Variants in TRANK1 observed in about 807,000 individuals in gnomAD.
TRANK1 encodes the protein TPR and ankyrin repeat-containing protein 1.
TRANK1 carries 198 observed loss-of-function variants against 266.0 expected under a neutral mutation model. The ratio of observed to expected loss-of-function variants is 0.74; its 90% CI spans 0.66 to 0.84. The LOEUF is 0.84. Among genes scored for constraint, TRANK1 ranks in the 40% least tolerant of loss-of-function variants. The pLI is 0.00. For missense variants in TRANK1, 3,326 were observed against 3,634.6 expected (o/e 0.92, Z 2.18); for synonymous variants, 1,396 against 1,384.1 (o/e 1.01, Z -0.19).
chr3:36,912,597 T>A (rs192785613), intron 1 of TRANK1, among the ~76,000 whole-genome samples: 4 of 152,280 alleles, frequency 2.6e-5, no homozygotes, highest in African/African-American at 9.6e-5. Flanking sequence ...CTGAGCTACA[T>A]ATGAGGAAGA....
chr3:36,861,060 C>G lies in TRANK1; in HGVS notation c.1341G>C (p.Leu447=), dbSNP rs1189052658. 2 of 1,537,798 alleles carry G rather than the reference C, an allele frequency of 1.3e-6. No individual in the cohort carries two copies. The highest frequency in any genetic ancestry group is 3.9e-5 in the Admixed American group (2 of 50,994). ...EKQRWPEVLL[L]LTRKVSGEPP... is the part of the protein sequence containing the mutation. The stretch of plus-strand genomic sequence containing the variant: ...GTTCTCCACTTACTTTGCGGGTCAG[C>G]AGCAGAAGCACCTCAGGCCATCTCT... The change falls in exon 11 of 24, where the codon CTG becomes CTC. Residue 447 remains leucine (L), a synonymous_variant. Coordinates refer to ENST00000645898, the MANE Select transcript of TRANK1 (RefSeq NM_001329998.2).
In TRANK1 at chr3:36,889,863, G is replaced by T. The variant is rs1400658612; in HGVS notation, c.873C>A (p.Val291=). The T allele has an allele frequency of 1.3e-6, 2 of 1,537,000 alleles. No homozygotes were observed. Among genetic ancestry groups the T allele is most frequent in the Admixed American group, 2.0e-5 (1 of 50,936 alleles). Residue 291 remains valine (V), a synonymous_variant, in exon 8 of 24, where the codon GTC becomes GTA. Coordinates refer to ENST00000645898, the MANE Select transcript of TRANK1 (RefSeq NM_001329998.2). ...GGTATCCTGGGGAGTGGGCAGCGAC[G>T]ACGTGCAGGACAGTGCAGCCATCCC... The part of the protein sequence containing the change: ...KDGDGCTVLH[V]VAAHSPGYLV...
At position 36,879,864 on chromosome 3, in the gene TRANK1, A is replaced by T. The variant is rs149933862; in HGVS notation, c.908-5568T>A. Among the ~76,000 whole-genome samples the T allele has an allele frequency of 7.0e-5, 7 of 99,690 alleles. 2 individuals carry two copies. Among genetic ancestry groups the T allele is most frequent in the Admixed American group, 2.4e-4 (2 of 8,200 alleles). 65.4% of individuals were successfully genotyped at this position (99,690 alleles called of 152,430 possible). On this transcript the variant is annotated intron_variant, in intron 8 of 23. Coordinates refer to ENST00000645898, the MANE Select transcript of TRANK1 (RefSeq NM_001329998.2). The stretch of plus-strand genomic sequence containing the variant: ...CAAATATATGTAAATATACAAATAT[A>T]TGTAAACATACAAATATATGTAAAC...
At chr3:36,922,943 A>T (rs1418269571) in intron 1 of TRANK1, among the ~76,000 whole-genome samples, 1 of 152,190 alleles carries the variant, frequency 6.6e-6, no homozygotes, top group African/African-American at 2.4e-5. Context: ...GCAACAACAG[A>T]CATCAGATAA....
chr3:36,911,100 T>C (rs747894528), intron 1 of TRANK1, among the ~76,000 whole-genome samples: 1 of 152,042 alleles, frequency 6.6e-6, no homozygotes, highest in Non-Finnish European at 1.5e-5. Flanking sequence ...TAAAAGAACA[T>C]TTAATGACAG....
chr3:36,828,694 T>C (rs1238509594), intron 23 of TRANK1, among the ~76,000 whole-genome samples: 1 of 152,238 alleles, frequency 6.6e-6, no homozygotes, highest in Non-Finnish European at 1.5e-5. Context: ...AGTTCCTTTA[T>C]AGGCTGGTTC....
In TRANK1 at chr3:36,828,244, G is replaced by A. The variant is rs536049360; in HGVS notation, c.*31C>T. The A allele has an allele frequency of 2.4e-5, 36 of 1,508,770 alleles. No homozygotes were observed. The highest frequency in any genetic ancestry group is 1.5e-4 in the African/African-American group (11 of 73,152). The allele number at this position is 1,508,770 out of a possible 1,614,324, so 93.5% of individuals were successfully genotyped here. A position where few individuals can be genotyped will look rare whatever the true frequency, so the allele number is the denominator to read the frequency against. On this transcript the variant is annotated 3_prime_UTR_variant, in exon 24 of 24. Transcript: ENST00000645898. ...ATTCTAAGTCAGAATGGAATGTTCC[G>A]AAGGATGAGGAGGCTGCAGCTGTGT...
At position 36,879,925 on chromosome 3, in the gene TRANK1, C is replaced by CAAATAT. The variant is rs2125586715; in HGVS notation, c.908-5630_908-5629insATATTT. On this transcript the variant is annotated intron_variant, in intron 8 of 23. Transcript: ENST00000645898. ...ATGTAAACATGCAAATATATGTAAA[C>CAAATAT]ATGCAAATATATGTAAACATGCAAA... 8.2e-4 allele frequency among the ~76,000 whole-genome samples: 15 copies of CAAATAT among 18,258 alleles called. 6 individuals carry two copies. The highest frequency in any genetic ancestry group is 3.7e-3 in the African/African-American group (14 of 3,748). The allele number at this position is 18,258 out of a possible 152,430, so 12.0% of individuals were successfully genotyped here.
chr3:36,942,303 G>T (rs148777359), intron 1 of TRANK1, among the ~76,000 whole-genome samples: 46 of 152,094 alleles, frequency 3.0e-4, no homozygotes, highest in African/African-American at 1.1e-3. Flanking sequence ...ACACTAACTC[G>T]TTGGTAATGA....
At chr3:36,920,902 G>A (rs1210601260) in intron 1 of TRANK1, among the ~76,000 whole-genome samples, 1 of 152,206 alleles carries the variant, frequency 6.6e-6, no homozygotes. Flanking sequence ...GATACAATGA[G>A]TTCTAAATTT....
intron 1 of TRANK1, among the ~76,000 whole-genome samples, chr3:36,933,397 C>T (rs1038424659): frequency 6.6e-6 from 1 of 152,374 alleles, no homozygotes; most frequent in Admixed American, 6.5e-5. Context: ...TTTGAGTGTT[C>T]AATCTCCTTA....
Position 36,855,235 on chromosome 3 carries a change from T to A in TRANK1, c.4487A>T (p.Gln1496Leu), listed in dbSNP as rs747227361. ...CTTCTTGGGCTTCCGGACAGCACAC[T>A]GCTTGTCTATGGTGTTTCTGCTGGC... ...HYASRNTIDK[Q>L]CAVRKPKKIH... The change falls in exon 13 of 24, where the codon CAG (glutamine) becomes CTG (leucine). Residue 1496 changes from glutamine to leucine, a missense_variant. Physicochemically the swap from Gln to Leu is moderately radical, Grantham distance 113. Transcript: ENST00000645898. 6.2e-7 allele frequency: 1 copy of A among 1,614,034 alleles called. No individual in the cohort carries two copies. The highest frequency in any genetic ancestry group is 8.5e-7 in the Non-Finnish European group (1 of 1,179,894).
intron 15 of TRANK1, 192 bp downstream of exon 15, chr3:36,851,527 A>T (rs2078984185): frequency 1.6e-6 from 2 of 1,232,358 alleles, no homozygotes; most frequent in South Asian, 3.6e-5. Context: ...ACACACTGTG[A>T]AACAACCCAC....
chr3:36,912,069 A>C (rs2080060389), intron 1 of TRANK1, among the ~76,000 whole-genome samples: 1 of 152,196 alleles, frequency 6.6e-6, no homozygotes, highest in Admixed American at 6.5e-5. Flanking sequence ...GCATGCCTAT[A>C]GCCCCAGCTA....
At position 36,944,962 on chromosome 3, in the gene TRANK1, C is replaced by T; in HGVS notation, c.-153G>A. Reference sequence around the variant, plus strand: ...AGAGGCGGCGTTCGGGGGCCCCCAGCTGCCTGCGGCTCGGCTACCCAGCCG... The same window carrying T: ...AGAGGCGGCGTTCGGGGGCCCCCAGTTGCCTGCGGCTCGGCTACCCAGCCG... On this transcript the variant is annotated 5_prime_UTR_variant, in exon 1 of 24. Transcript: ENST00000645898. 2 of 694,732 alleles carry T rather than the reference C, an allele frequency of 2.9e-6. No homozygotes were observed. The highest frequency in any genetic ancestry group is 2.1e-6 in the Non-Finnish European group (1 of 470,080). The allele number at this position is 694,732 out of a possible 1,614,324, so 43.0% of individuals were successfully genotyped here. A position where few individuals can be genotyped will look rare whatever the true frequency, so the allele number is the denominator to read the frequency against.
chr3:36,883,705 G>A (rs1206955175), intron 8 of TRANK1, among the ~76,000 whole-genome samples: 1 of 152,162 alleles, frequency 6.6e-6, no homozygotes, highest in Admixed American at 6.5e-5. Context: ...GGATGAGACG[G>A]AAGTGACATT....
At chr3:36,864,633 C>T (rs1029742638) in intron 9 of TRANK1, among the ~76,000 whole-genome samples, 153 bp from the exon 10 acceptor site, 1 of 152,198 alleles carries the variant, frequency 6.6e-6, no homozygotes, top group African/African-American at 2.4e-5. Context: ...CCTCTTTCCC[C>T]TCCACCCTCC....
At chr3:36,881,701 A>C (rs2079534158) in intron 8 of TRANK1, among the ~76,000 whole-genome samples, 1 of 152,208 alleles carries the variant, frequency 6.6e-6, no homozygotes, top group Admixed American at 6.5e-5. Flanking sequence ...GTCCAATTCC[A>C]GAACATTTTC....
chr3:36,838,764 A>C, intron 18 of TRANK1, 48 bp from the exon 19 acceptor site: 2 of 1,557,836 alleles, frequency 1.3e-6, no homozygotes, highest in South Asian at 2.3e-5. Context: ...TGGAGGTAAC[A>C]GACAGAACAA....
Sources: allele counts gnomAD v4.1 joint callset (sites outside exome capture counted in the v4.1 genomes callset), GRCh38; gene constraint gnomAD v4.1.1; transcripts MANE v1.5; gene names NCBI Gene and HGNC (gene_info 2026-07-23, HGNC 2026-07-21).